Variants in PAPPA2 observed in about 807,000 individuals in gnomAD.
PAPPA2 encodes pappalysin-2.
A neutral mutation model predicts 176.4 loss-of-function variants in PAPPA2; 86 were observed. That is an observed-to-expected ratio of 0.49 (90% confidence interval 0.41 to 0.58). The LOEUF (loss-of-function observed/expected upper bound fraction) is 0.58. Among genes scored for constraint, PAPPA2 ranks in the 20% least tolerant of loss-of-function variants. The pLI is 0.00. For synonymous variants in PAPPA2, 809 were observed against 852.2 expected, an observed-to-expected ratio of 0.95 and a Z score of 0.88; for missense variants, 2,073 against 2,256.9, an observed-to-expected ratio of 0.92 and a Z score of 1.65.
chr1:176,595,068 T>C lies in PAPPA2; in HGVS notation c.1464T>C (p.Pro488=). The C allele has an allele frequency of 6.2e-7, 1 of 1,614,144 alleles. No individual in the cohort carries two copies. Among genetic ancestry groups the C allele is most frequent in the East Asian group, 2.2e-5 (1 of 44,868 alleles). The part of the protein sequence containing the change: ...LEVLQGFEPE[P]EILSPLQPPL... Reference sequence around the variant, plus strand: ...TTCTCCAGGGCTTTGAGCCAGAGCCTGAGATTCTGTCGCCTTTGCAGCCCC... The same window carrying C: ...TTCTCCAGGGCTTTGAGCCAGAGCCCGAGATTCTGTCGCCTTTGCAGCCCC... The change falls in exon 3 of 23, where the codon CCT becomes CCC. Residue 488 remains proline (P), a synonymous_variant. Coordinates refer to ENST00000367662, the MANE Select transcript of PAPPA2 (RefSeq NM_020318.3).
chr1:176,564,718 T>G (rs1315394391), intron 2 of PAPPA2, among the ~76,000 whole-genome samples: 1 of 129,218 alleles, frequency 7.7e-6, no homozygotes, highest in Non-Finnish European at 1.7e-5. Context: ...ATTTCTTTCC[T>G]TTTCTTTTTT....
intron 4 of PAPPA2, among the ~76,000 whole-genome samples, chr1:176,680,123 CAG>C (rs943496691): frequency 6.6e-6 from 1 of 152,072 alleles, no homozygotes; most frequent in African/African-American, 2.4e-5. Context: ...ATAAACATAA[CAG>C]AAAAATTTGG....
In PAPPA2 at chr1:176,699,117, CAGCCCTGCG is replaced by C; in HGVS notation, c.2769_2777del (p.Cys924_Pro926del). On this transcript the variant is annotated inframe_deletion, in exon 8 of 23. Coordinates refer to ENST00000367662, the MANE Select transcript of PAPPA2 (RefSeq NM_020318.3). ...CCCCCCAGGGCCTCCTGATGTGGAT[CAGCCCTGCG>C]AGCCAAGCTTACAGGCCTGGAGCCC... 6.2e-7 allele frequency: 1 copy of C among 1,613,020 alleles called. No individual in the cohort carries two copies. The highest frequency in any genetic ancestry group is 2.2e-5 in the East Asian group (1 of 44,840).
At chr1:176,524,139 C>T (rs981394326) in intron 1 of PAPPA2, among the ~76,000 whole-genome samples, 1 of 152,238 alleles carries the variant, frequency 6.6e-6, no homozygotes, top group Non-Finnish European at 1.5e-5. Context: ...CTTTGCAGCA[C>T]TGTCGTTTTC....
chr1:176,834,653 G>T (rs928617803), intron 21 of PAPPA2, among the ~76,000 whole-genome samples: 2 of 152,200 alleles, frequency 1.3e-5, no homozygotes, highest in African/African-American at 4.8e-5. Context: ...GATAAACCTT[G>T]ACCCACAGCT....
chr1:176,784,585 A>T (rs1042464852), intron 17 of PAPPA2, among the ~76,000 whole-genome samples: 1 of 140,828 alleles, frequency 7.1e-6, no homozygotes, highest in East Asian at 2.0e-4. Context: ...CTTGCAGATG[A>T]TTCTCTTTTT....
intron 21 of PAPPA2, among the ~76,000 whole-genome samples, chr1:176,830,768 A>G (rs958577495): frequency 4.6e-5 from 7 of 152,190 alleles, no homozygotes; most frequent in Non-Finnish European, 7.3e-5. Context: ...GTCTGATGGT[A>G]TGTCATTATT....
intron 3 of PAPPA2, among the ~76,000 whole-genome samples, chr1:176,634,123 G>A (rs1443995194): frequency 1.3e-5 from 2 of 152,164 alleles, no homozygotes; most frequent in East Asian, 1.9e-4. Flanking sequence ...AAATCATGCT[G>A]CTATAAAGAC....
intron 12 of PAPPA2, among the ~76,000 whole-genome samples, chr1:176,721,008 G>C (rs1661590745): frequency 6.6e-6 from 1 of 152,186 alleles, no homozygotes; most frequent in Non-Finnish European, 1.5e-5. Context: ...CAGCTGATTA[G>C]ATGGCACTCA....
chr1:176,524,445 T>C (rs1158451086), intron 1 of PAPPA2, among the ~76,000 whole-genome samples: 1 of 152,156 alleles, frequency 6.6e-6, no homozygotes, highest in Non-Finnish European at 1.5e-5. Flanking sequence ...GAAAACAGCA[T>C]TATAACAACT....
At position 176,690,334 on chromosome 1, in the gene PAPPA2, A is replaced by G; in HGVS notation, c.2335A>G (p.Lys779Glu). 1 of 1,614,148 alleles carries G rather than the reference A, an allele frequency of 6.2e-7. No individual in the cohort carries two copies. Among genetic ancestry groups the G allele is most frequent in the Non-Finnish European group, 8.5e-7 (1 of 1,180,016 alleles). ...CTGTGCCGACACCGCCCCCACTCCC[A>G]AGAGTGAGCTGTGCCGGGAACCAGA... ...DLCADTAPTP[K>E]SELCREPEPT... The change falls in exon 5 of 23, where the codon AAG becomes GAG. Residue 779 changes from lysine to glutamate, a missense_variant. Around this residue, in one of 4 missense-constraint regions of PAPPA2, gnomAD observed 1,196 missense variants for 1,330.4 expected, o/e 0.90. Coordinates refer to ENST00000367662, the MANE Select transcript of PAPPA2 (RefSeq NM_020318.3).
intron 21 of PAPPA2, among the ~76,000 whole-genome samples, chr1:176,825,714 T>C (rs1666834046): frequency 6.6e-6 from 1 of 152,368 alleles, no homozygotes; most frequent in African/African-American, 2.4e-5. Flanking sequence ...TTATTGTATA[T>C]TTTGTTTGCT....
chr1:176,496,983 T>A (rs1647667001), intron 1 of PAPPA2, among the ~76,000 whole-genome samples: 1 of 152,102 alleles, frequency 6.6e-6, no homozygotes, highest in South Asian at 2.1e-4. Context: ...CCTCAACCTT[T>A]TTTTTTTAAC....
chr1:176,771,105 A>C lies in PAPPA2; in HGVS notation c.4640A>C (p.Asp1547Ala), dbSNP rs1250376593. ...LLPHCLQDNHDVGTICKYECK... is the reference protein window; with the variant it reads ...LLPHCLQDNHAVGTICKYECK... ...CCTCACTGCCTCCAGGACAACCACG[A>C]CGTGGGCACCATCTGCAAATATGAA... Residue 1547 changes from aspartate to alanine, a missense_variant, in exon 17 of 23, where the codon GAC becomes GCC. Coordinates refer to ENST00000367662, the MANE Select transcript of PAPPA2 (RefSeq NM_020318.3). 6.2e-7 allele frequency: 1 copy of C among 1,614,168 alleles called. No individual in the cohort carries two copies. The highest frequency in any genetic ancestry group is 1.7e-5 in the Admixed American group (1 of 60,020).
chr1:176,770,755 C>CT (rs1407775330), intron 16 of PAPPA2, among the ~76,000 whole-genome samples: 1 of 152,178 alleles, frequency 6.6e-6, no homozygotes, highest in African/African-American at 2.4e-5. Context: ...TATCTGACCT[C>CT]TGTTTTATGT....
At chr1:176,594,085 G>T (rs1653812181) in intron 2 of PAPPA2, among the ~76,000 whole-genome samples, 1 of 152,120 alleles carries the variant, frequency 6.6e-6, no homozygotes, top group Admixed American at 6.5e-5. Context: ...CCTTCCAGAG[G>T]GTAAGAGATG....
intron 21 of PAPPA2, among the ~76,000 whole-genome samples, chr1:176,803,376 C>G (rs1027168889): frequency 6.6e-6 from 1 of 152,050 alleles, no homozygotes; most frequent in African/African-American, 2.4e-5. Flanking sequence ...ATGAGTAAAG[C>G]AGAATGCAGG....
At chr1:176,837,784 T>A (rs1470516522) in intron 21 of PAPPA2, among the ~76,000 whole-genome samples, 1 of 152,184 alleles carries the variant, frequency 6.6e-6, no homozygotes, top group African/African-American at 2.4e-5. Flanking sequence ...AATTAAAATT[T>A]TCTAGTCTAT....
intron 21 of PAPPA2, 111 bp downstream of exon 21, chr1:176,800,243 CT>C: frequency 1.1e-6 from 1 of 888,364 alleles, no homozygotes; most frequent in Non-Finnish European, 1.7e-6. Context: ...TTCCTCTGTC[CT>C]TTGTTTAACT....
Sources: gnomAD v4.1 joint callset for allele counts (sites outside exome capture counted in the v4.1 genomes callset) on GRCh38, gnomAD v4.1.1 for gene constraint, gnomAD v4.1.1 regional missense constraint, MANE v1.5 for transcripts, NCBI Gene and HGNC (gene_info 2026-07-23, HGNC 2026-07-21) for gene names.